The following PRR5 variants were observed in gnomAD, a reference collection of about 807,000 sequenced individuals.
PRR5 encodes proline rich 5, also known as proline-rich protein 5.
PRR5 carries 25 observed loss-of-function variants against 30.6 expected under a neutral mutation model. The ratio of observed to expected loss-of-function variants is 0.82; its 90% CI spans 0.60 to 1.14. PRR5 has a LOEUF of 1.14. Among genes scored for constraint, PRR5 ranks in the 50% most tolerant of loss-of-function variants. The pLI is 0.00. For synonymous variants in PRR5, 286 were observed against 247.1 expected (o/e 1.16, Z -1.48); for missense variants, 600 against 547.1 (o/e 1.10, Z -0.96).
At chr22:44,735,300 C>A (rs1020814354) in intron 7 of PRR5, 138 bp downstream of exon 7, 5 of 1,286,444 alleles carry the variant, frequency 3.9e-6, no homozygotes, top group Non-Finnish European at 5.2e-6. Flanking sequence ...CAGCAGCCCC[C>A]AGCCTGCCAT....
upstream of PRR5, among the ~76,000 whole-genome samples, chr22:44,674,803 G>A (rs1415328164): frequency 7.2e-5 from 11 of 152,080 alleles, no homozygotes; most frequent in South Asian, 4.2e-4. Context: ...AAAATTAGCC[G>A]GGCATGGTGG....
At chr22:44,714,527 C>G in intron 1 of PRR5, 64 bp from the exon 2 acceptor site, 1 of 1,596,226 alleles carries the variant, frequency 6.3e-7, no homozygotes, top group African/African-American at 1.3e-5. Flanking sequence ...GGAATGGGGC[C>G]TGATGGGCAA....
At chr22:44,704,841 T>C (rs1926931727) in intron 1 of PRR5, among the ~76,000 whole-genome samples, 1 of 151,846 alleles carries the variant, frequency 6.6e-6, no homozygotes, top group Admixed American at 6.6e-5. Flanking sequence ...ATGTGGGAGA[T>C]GGAGCCAAGA....
rs536785606 is a variant in PRR5 at position 44,670,550 on chromosome 22, C to T, written c.-11+1745C>T. ...TGTGGTACCCCACGTCGCAAGCACA[C>T]CATGGTGTGGGTGGATCGGCCGTGA... is the stretch of plus-strand genomic sequence containing the variant. On this transcript the variant is annotated intron_variant, in intron 1 of 8. Coordinates refer to the PRR5 transcript ENST00000432186. Among the ~76,000 whole-genome samples, 378 of 152,348 alleles carry T rather than the reference C, an allele frequency of 2.5e-3. 4 individuals are homozygous for T. Among genetic ancestry groups the T allele is most frequent in the African/African-American group, 8.7e-3 (363 of 41,582 alleles).
chr22:44,717,994 C>T (rs1241717833), intron 2 of PRR5, among the ~76,000 whole-genome samples: 6 of 152,046 alleles, frequency 3.9e-5, no homozygotes, highest in Admixed American at 3.3e-4. Flanking sequence ...GGATTACAGG[C>T]GTGAGCCGTT....
chr22:44,697,809 G>T (rs114077331), upstream of PRR5, among the ~76,000 whole-genome samples: 579 of 152,340 alleles, frequency 3.8e-3, 4 homozygotes, highest in African/African-American at 0.013. Context: ...CTGTTTGTCT[G>T]TCTGTAAAAT....
intron 1 of PRR5, among the ~76,000 whole-genome samples, chr22:44,690,146 G>A (rs906299876): frequency 1.3e-5 from 2 of 152,226 alleles, no homozygotes; most frequent in Admixed American, 6.5e-5. Context: ...TCAGGGATGC[G>A]GGGGCAGGTG....
chr22:44,729,363 C>T (rs186711722), intron 4 of PRR5: 1 of 985,310 alleles, frequency 1.0e-6, no homozygotes, highest in South Asian at 4.7e-5. Flanking sequence ...AAGACGGACA[C>T]CAGCCTGCGC....
intron 2 of PRR5, 60 bp from the exon 3 acceptor site, chr22:44,725,184 G>T: frequency 1.2e-6 from 2 of 1,601,332 alleles, no homozygotes; most frequent in Non-Finnish European, 1.7e-6. Flanking sequence ...CAGTCCGTGG[G>T]TCCCCCATGC....
At chr22:44,695,448 T>C (rs908265714) in intron 1 of PRR5, among the ~76,000 whole-genome samples, 2 of 152,204 alleles carry the variant, frequency 1.3e-5, no homozygotes, top group African/African-American at 4.8e-5. Flanking sequence ...GAGGTATTTT[T>C]GGTGTGTGAT....
At chr22:44,723,313 T>C (rs1930218109) in intron 2 of PRR5, among the ~76,000 whole-genome samples, 1 of 152,226 alleles carries the variant, frequency 6.6e-6, no homozygotes, top group Non-Finnish European at 1.5e-5. Flanking sequence ...AAAGCTGTTG[T>C]ACTGTTGGTC....
intron 6 of PRR5, among the ~76,000 whole-genome samples, chr22:44,732,754 GCA>G (rs1922288077): frequency 6.9e-6 from 1 of 144,008 alleles, no homozygotes; most frequent in African/African-American, 2.8e-5. Context: ...ACGTGTGCAC[GCA>G]CACGCTACAC....
chr22:44,668,967 G>C (rs1923256738), intron 1 of PRR5, among the ~76,000 whole-genome samples: 1 of 150,962 alleles, frequency 6.6e-6, no homozygotes, highest in African/African-American at 2.4e-5. Context: ...CGCGCGCGAC[G>C]CCGACTGCGG....
upstream of PRR5, among the ~76,000 whole-genome samples, chr22:44,673,794 G>A (rs994414132): frequency 1.3e-5 from 2 of 152,144 alleles, no homozygotes; most frequent in African/African-American, 4.8e-5. Flanking sequence ...CTGTGATGGA[G>A]GGGCCAGGAG....
At chr22:44,705,909 A>G (rs969165975) in intron 1 of PRR5, among the ~76,000 whole-genome samples, 1 of 152,098 alleles carries the variant, frequency 6.6e-6, no homozygotes, top group African/African-American at 2.4e-5. Context: ...CTCCTGCTTC[A>G]GCCTCCCAAG....
chr22:44,685,940 G>A (rs1477865856), intron 1 of PRR5, among the ~76,000 whole-genome samples: 3 of 152,252 alleles, frequency 2.0e-5, no homozygotes, highest in Non-Finnish European at 4.4e-5. Flanking sequence ...GGAGCACCGT[G>A]ATGATGCCAC....
At chr22:44,727,299 C>G (rs1049671579) in intron 4 of PRR5, among the ~76,000 whole-genome samples, 2 of 152,082 alleles carry the variant, frequency 1.3e-5, no homozygotes, top group Non-Finnish European at 2.9e-5. Flanking sequence ...GCAGCAGCAG[C>G]GTGCGCATCC....
chr22:44,717,906 G>C (rs1224933424), intron 2 of PRR5, among the ~76,000 whole-genome samples: 2 of 151,840 alleles, frequency 1.3e-5, no homozygotes, highest in Non-Finnish European at 2.9e-5. Flanking sequence ...GTAGAGACGG[G>C]GTTTGTCCAT....
intron 1 of PRR5, among the ~76,000 whole-genome samples, chr22:44,707,432 C>T (rs571866925): frequency 1.3e-5 from 2 of 152,202 alleles, no homozygotes; most frequent in African/African-American, 2.4e-5. Context: ...CAGGGTCAGG[C>T]GGCCCGGTGA....
Sources: allele counts gnomAD v4.1 joint callset (sites outside exome capture counted in the v4.1 genomes callset), GRCh38; gene constraint gnomAD v4.1.1; transcripts MANE v1.5; gene names NCBI Gene and HGNC (gene_info 2026-07-23, HGNC 2026-07-21).